The following SEC14L4 variants were observed in gnomAD, a reference collection of about 807,000 sequenced individuals.
The protein encoded by SEC14L4 is SEC14-like protein 4.
SEC14L4 carries 42 observed loss-of-function variants against 55.1 expected under a neutral mutation model. The observed-to-expected ratio is 0.76, with a 90% confidence interval of 0.60 to 0.99. The LOEUF (loss-of-function observed/expected upper bound fraction) is 0.99. Among genes scored for constraint, SEC14L4 ranks in the 50% least tolerant of loss-of-function variants. The pLI is 0.00. For missense variants in SEC14L4, 445 were observed against 512.1 expected (o/e 0.87, Z 1.27); for synonymous variants, 206 against 206.8 (o/e 1.00, Z 0.03).
intron 2 of SEC14L4, among the ~76,000 whole-genome samples, chr22:30,499,817 G>C (rs1053804411): frequency 2.6e-5 from 4 of 151,690 alleles, no homozygotes; most frequent in African/African-American, 9.7e-5. Flanking sequence ...AACCTTATAA[G>C]GTAACTTTCA....
At position 30,495,277 on chromosome 22, in the gene SEC14L4, C is replaced by A. The variant is rs35032582; in HGVS notation, c.400G>T (p.Glu134Ter). ...ACCTTCTGAGTTTGCAGCTCACACT[C>A]ATGCAACAGCAGCTCACAGACTTTG... ...RIKVCELLLH[E>*]CELQTQKLGR... Residue 134 changes from glutamate to a stop codon, truncating the protein, a stop_gained, in exon 5 of 12, where the codon GAG becomes TAG. Transcript: ENST00000255858. LOFTEE classifies it high-confidence loss of function. 5.0e-3 allele frequency: 8,023 copies of A among 1,612,230 alleles called. 365 individuals are homozygous for A. In the African/African-American group the frequency reaches 0.095, roughly 19 times the overall value.
chr22:30,495,144 C>A, intron 5 of SEC14L4, 110 bp downstream of exon 5: 1 of 1,167,230 alleles, frequency 8.6e-7, no homozygotes, highest in Middle Eastern at 2.5e-4. Context: ...AGCCCACATT[C>A]CACCAGAGCC....
At chr22:30,495,107 C>A (rs1569242959) in intron 5 of SEC14L4, 146 bp from the exon 6 acceptor site, 1 of 751,434 alleles carries the variant, frequency 1.3e-6, no homozygotes, top group Non-Finnish European at 2.0e-6. Context: ...CAACACCTCA[C>A]TTTTACGGGT....
intron 2 of SEC14L4, among the ~76,000 whole-genome samples, chr22:30,501,603 A>G (rs917741281): frequency 6.6e-6 from 1 of 152,090 alleles, no homozygotes; most frequent in Non-Finnish European, 1.5e-5. Flanking sequence ...CCTGGATGGG[A>G]TCCTGGAAGA....
chr22:30,495,025 AC>A, intron 5 of SEC14L4, 64 bp from the exon 6 acceptor site: 1 of 1,437,756 alleles, frequency 7.0e-7, no homozygotes, highest in South Asian at 1.2e-5. Flanking sequence ...GGCCAGAGAG[AC>A]TTGGGCACCT....
At chr22:30,492,421 T>C (rs1935993878) in intron 8 of SEC14L4, 53 bp downstream of exon 8, 3 of 1,489,902 alleles carry the variant, frequency 2.0e-6, no homozygotes, top group Non-Finnish European at 1.9e-6. Flanking sequence ...GTCTTTAGCA[T>C]TGACCTCTGC....
intron 2 of SEC14L4, among the ~76,000 whole-genome samples, chr22:30,500,907 CAG>C: frequency 6.6e-6 from 1 of 151,186 alleles, no homozygotes; most frequent in South Asian, 2.1e-4. Flanking sequence ...TAAGGAAAAA[CAG>C]AGGGGGTCAG....
At chr22:30,496,575 C>A (rs1209174251) in intron 2 of SEC14L4, among the ~76,000 whole-genome samples, 2 of 152,130 alleles carry the variant, frequency 1.3e-5, no homozygotes, top group African/African-American at 4.8e-5. Flanking sequence ...CCCCCCACCA[C>A]CTGCACAGTG....
chr22:30,491,111 G>A (rs1261053816), intron 11 of SEC14L4, among the ~76,000 whole-genome samples: 1 of 152,202 alleles, frequency 6.6e-6, no homozygotes, highest in Non-Finnish European at 1.5e-5. Flanking sequence ...CAATAGATGT[G>A]GAAGGGCAGT....
chr22:30,491,859 T>G lies in SEC14L4; in HGVS notation c.886A>C (p.Ile296Leu). The G allele has an allele frequency of 6.2e-7, 1 of 1,612,268 alleles. No individual in the cohort carries two copies. Among genetic ancestry groups the G allele is most frequent in the Non-Finnish European group, 8.5e-7 (1 of 1,179,536 alleles). Residue 296 changes from isoleucine (I) to leucine (L), a missense_variant, in exon 10 of 12, where the codon ATC becomes CTC. Coordinates refer to ENST00000255858, the MANE Select transcript of SEC14L4 (RefSeq NM_174977.4). Reference sequence around the variant, plus strand: ...CTGAGCACACAGCCCGGGAACAGGATCTCGTTCTCCACCTGCAGGGAGGAG... The same window carrying G: ...CTGAGCACACAGCCCGGGAACAGGAGCTCGTTCTCCACCTGCAGGGAGGAG... ...RGSSLQVENE[I>L]LFPGCVLRWQ...
At chr22:30,497,364 C>A (rs1230351350) in intron 2 of SEC14L4, among the ~76,000 whole-genome samples, 1 of 150,918 alleles carries the variant, frequency 6.6e-6, no homozygotes, top group African/African-American at 2.4e-5. Context: ...ACAACAACAA[C>A]AAACACAAAA....
At position 30,504,928 on chromosome 22, in the gene SEC14L4, A is replaced by T. The variant is rs557967042; in HGVS notation, c.54+630T>A. Among the ~76,000 whole-genome samples, 4 of 152,200 alleles carry T rather than the reference A, an allele frequency of 2.6e-5. No homozygotes were observed. In the East Asian group the frequency reaches 7.7e-4, roughly 29 times the overall value. On this transcript the variant is annotated intron_variant, in intron 1 of 11. Transcript: ENST00000255858. ...TCAGGAGTTCGAGACCAGCCTGTCC[A>T]AGAGACCTGCCTGGCCAATATGGTG... is the stretch of plus-strand genomic sequence containing the variant.
At chr22:30,494,252 A>G (rs1297862697) in intron 6 of SEC14L4, 42 bp from the exon 7 acceptor site, 3 of 1,520,514 alleles carry the variant, frequency 2.0e-6, no homozygotes, top group Non-Finnish European at 2.7e-6. Context: ...CTGTTCCATC[A>G]CCTCCCGCCC....
intron 1 of SEC14L4, among the ~76,000 whole-genome samples, chr22:30,505,280 C>G (rs551986619): frequency 1.3e-5 from 2 of 152,312 alleles, no homozygotes; most frequent in Non-Finnish European, 2.9e-5. Context: ...AGCGCCACTC[C>G]CTCCCCCACA....
chr22:30,503,655 C>G, intron 2 of SEC14L4, 22 bp downstream of exon 2: 1 of 1,571,656 alleles, frequency 6.4e-7, no homozygotes, highest in East Asian at 2.2e-5. Context: ...TTTCTGCGTC[C>G]CCTGACCCCT....
rs1311473446 is a variant in SEC14L4, at chr22:30,494,877, C to A, written c.508G>T (p.Val170Phe). 2 of 1,612,922 alleles carry A rather than the reference C, an allele frequency of 1.2e-6. No homozygotes were observed. The highest frequency in any genetic ancestry group is 1.7e-6 in the Non-Finnish European group (2 of 1,179,266). The change falls in exon 6 of 12, where the codon GTC becomes TTC. Residue 170 changes from valine to phenylalanine, a missense_variant. Coordinates refer to ENST00000255858, the MANE Select transcript of SEC14L4 (RefSeq NM_174977.4). Reference protein sequence around the residue: ...LKHLWKPAVEVYQQFFSILEA... With the variant: ...LKHLWKPAVEFYQQFFSILEA... ...GCCACCCACCTTACCTGCTGGTAGACCTCCACAGCTGGCTTCCACAGGTGT... is the reference window on the plus strand; with the variant it reads ...GCCACCCACCTTACCTGCTGGTAGAACTCCACAGCTGGCTTCCACAGGTGT...
intron 2 of SEC14L4, among the ~76,000 whole-genome samples, chr22:30,498,539 C>CTAGAAATGAAA (rs1161952040): frequency 5.3e-5 from 8 of 152,172 alleles, no homozygotes; most frequent in Non-Finnish European, 1.0e-4. Flanking sequence ...AGTCTTTCTA[C>CTAGAAATGAAA]CAATTGATAT....
At chr22:30,501,843 G>GCA (rs1212124524) in intron 2 of SEC14L4, among the ~76,000 whole-genome samples, 16 of 45,536 alleles carry the variant, frequency 3.5e-4, no homozygotes, top group African/African-American at 1.7e-3. Flanking sequence ...ACACACACAC[G>GCA]CACATATATA....
At chr22:30,501,804 T>A (rs1601856674) in intron 2 of SEC14L4, among the ~76,000 whole-genome samples, 1 of 147,782 alleles carries the variant, frequency 6.8e-6, no homozygotes, top group Non-Finnish European at 1.5e-5. Flanking sequence ...CTAAAACTAT[T>A]CTAAAAATTA....
Sources: allele counts gnomAD v4.1 joint callset (sites outside exome capture counted in the v4.1 genomes callset), GRCh38; gene constraint gnomAD v4.1.1; transcripts MANE v1.5; gene names NCBI Gene and HGNC (gene_info 2026-07-23, HGNC 2026-07-21).